TMEM245: variants seen among roughly 807,000 people sequenced by gnomAD.
TMEM245 encodes transmembrane protein 245.
TMEM245 carries 69 observed loss-of-function variants against 101.2 expected under a neutral mutation model. The observed-to-expected ratio is 0.68, with a 90% confidence interval of 0.56 to 0.83. The LOEUF (loss-of-function observed/expected upper bound fraction) is 0.83, where lower values mean the gene tolerates loss of function less well. Among genes scored for constraint, TMEM245 ranks in the 40% least tolerant of loss-of-function variants. TMEM245 has a pLI of 0.00. For synonymous variants in TMEM245, 537 were observed against 449.8 expected, an observed-to-expected ratio of 1.19 and a Z score of -2.45; for missense variants, 1,075 against 1,092.8, an observed-to-expected ratio of 0.98 and a Z score of 0.23.
chr9:109,115,594 G>T (rs548649294), intron 1 of TMEM245, among the ~76,000 whole-genome samples: 1 of 137,540 alleles, frequency 7.3e-6, no homozygotes, highest in Non-Finnish European at 1.5e-5. Flanking sequence ...GCAATGGCGC[G>T]ACCTGGGCTC....
At chr9:109,039,110 C>T (rs939183311) in intron 14 of TMEM245, 1 of 152,144 alleles carries the variant, frequency 6.6e-6, no homozygotes, top group Non-Finnish European at 1.5e-5. Context: ...TCTAAAGCAT[C>T]CCAAGAGGTA....
intron 1 of TMEM245, among the ~76,000 whole-genome samples, chr9:109,113,770 C>A (rs1029850176): frequency 1.3e-5 from 2 of 152,138 alleles, no homozygotes; most frequent in African/African-American, 4.8e-5. Flanking sequence ...TTTTGCAGAA[C>A]AGTTTCCCAA....
chr9:109,073,314 T>C (rs752150538), intron 9 of TMEM245, 42 bp downstream of exon 9: 4 of 1,445,024 alleles, frequency 2.8e-6, no homozygotes, highest in East Asian at 2.3e-5. Context: ...ATGCTGAAAC[T>C]AGGCCATTCA....
intron 8 of TMEM245, among the ~76,000 whole-genome samples, chr9:109,077,237 A>G (rs1829538349): frequency 6.6e-6 from 1 of 151,832 alleles, no homozygotes; most frequent in Admixed American, 6.6e-5. Flanking sequence ...TGCAGCCTCA[A>G]TCTCCCGGGA....
chr9:109,106,701 T>G, intron 2 of TMEM245, 92 bp from the exon 3 acceptor site: 1 of 830,590 alleles, frequency 1.2e-6, no homozygotes, highest in South Asian at 2.2e-5. Context: ...CAGAACAATC[T>G]GGTATATATA....
At chr9:109,045,169 T>G (rs1383008991) in intron 14 of TMEM245, among the ~76,000 whole-genome samples, 2 of 152,232 alleles carry the variant, frequency 1.3e-5, no homozygotes, top group Non-Finnish European at 2.9e-5. Context: ...TTAGAACTTA[T>G]GCCTTCTAAG....
intron 1 of TMEM245, 51 bp downstream of exon 1, chr9:109,119,282 CCA>C: frequency 6.7e-7 from 1 of 1,489,100 alleles, no homozygotes; most frequent in Admixed American, 2.1e-5. Context: ...GGATTGCACC[CCA>C]GAGCGCCGGG....
chr9:109,057,133 G>T, intron 12 of TMEM245, 58 bp downstream of exon 12: 1 of 1,573,456 alleles, frequency 6.4e-7, no homozygotes, highest in African/African-American at 1.4e-5. Flanking sequence ...AAGAAAACTT[G>T]GAATTACAGT....
chr9:109,023,464 C>A (rs1448058274), intron 17 of TMEM245, among the ~76,000 whole-genome samples: 1 of 152,164 alleles, frequency 6.6e-6, no homozygotes, highest in Non-Finnish European at 1.5e-5. Flanking sequence ...CTTAAACCAT[C>A]TAAATACAGT....
At chr9:109,093,662 C>A in intron 3 of TMEM245, 71 bp from the exon 4 acceptor site, 1 of 1,167,010 alleles carries the variant, frequency 8.6e-7, no homozygotes. Context: ...AAACACAGTC[C>A]AACATTTTCA....
chr9:109,046,125 G>A, intron 14 of TMEM245: 1 of 404,140 alleles, frequency 2.5e-6, no homozygotes. Context: ...GAATCGCATG[G>A]CATACACACT....
At chr9:109,090,894 A>G in intron 5 of TMEM245, 28 bp downstream of exon 5, 3 of 1,594,742 alleles carry the variant, frequency 1.9e-6, no homozygotes, top group Non-Finnish European at 2.6e-6. Flanking sequence ...CAAAGACAAG[A>G]CGAGATCGTA....
chr9:109,024,527 C>G (rs1827737982), intron 17 of TMEM245, among the ~76,000 whole-genome samples: 1 of 152,216 alleles, frequency 6.6e-6, no homozygotes. Context: ...ATTAAACACA[C>G]ATCTATAAAA....
At chr9:109,078,151 A>G (rs1306887415) in intron 8 of TMEM245, among the ~76,000 whole-genome samples, 1 of 152,212 alleles carries the variant, frequency 6.6e-6, no homozygotes, top group Non-Finnish European at 1.5e-5. Context: ...TATATCCAGG[A>G]AAATATTTTA....
At chr9:109,021,397 C>G (rs2132266180) in intron 17 of TMEM245, among the ~76,000 whole-genome samples, 1 of 152,306 alleles carries the variant, frequency 6.6e-6, no homozygotes, top group Non-Finnish European at 1.5e-5. Context: ...ATATAAAGCA[C>G]AGTCTATTAC....
intron 14 of TMEM245, among the ~76,000 whole-genome samples, chr9:109,046,778 A>T (rs1828510182): frequency 6.6e-6 from 1 of 152,200 alleles, no homozygotes; most frequent in Non-Finnish European, 1.5e-5. Flanking sequence ...GTCATTCATA[A>T]ATTATAAATA....
intron 10 of TMEM245, among the ~76,000 whole-genome samples, chr9:109,060,824 CTATTAT>C (rs1828990184): frequency 6.6e-6 from 1 of 152,106 alleles, no homozygotes; most frequent in South Asian, 2.1e-4. Context: ...ACATTTATCT[CTATTAT>C]TAAGAATTAC....
chr9:109,065,049 G>A (rs1829127209), intron 9 of TMEM245, among the ~76,000 whole-genome samples: 1 of 152,202 alleles, frequency 6.6e-6, no homozygotes, highest in Admixed American at 6.5e-5. Context: ...GCCTCCCAAA[G>A]TTCTGGGATT....
At chr9:109,048,562 C>T (rs761720553) in intron 14 of TMEM245, among the ~76,000 whole-genome samples, 8 of 152,162 alleles carry the variant, frequency 5.3e-5, no homozygotes, top group Non-Finnish European at 8.8e-5. Flanking sequence ...TGGTTAACAA[C>T]GTATTAGAAA....
Sources: gnomAD v4.1 joint callset for allele counts (sites outside exome capture counted in the v4.1 genomes callset) on GRCh38, gnomAD v4.1.1 for gene constraint, MANE v1.5 for transcripts, NCBI Gene and HGNC (gene_info 2026-07-23, HGNC 2026-07-21) for gene names.